The following CRIM1 variants were observed in gnomAD, a reference collection of about 807,000 sequenced individuals.
The protein encoded by CRIM1 is cysteine-rich motor neuron 1 protein.
Under a neutral mutation model 116.4 loss-of-function variants are expected in CRIM1, and 32 were observed. That is an observed-to-expected ratio of 0.27 (90% CI 0.21 to 0.37). The LOEUF (loss-of-function observed/expected upper bound fraction) is 0.37. Among genes scored for constraint, CRIM1 ranks in the 10% least tolerant of loss-of-function variants. CRIM1 has a pLI of 1.00. For synonymous variants in CRIM1, 590 were observed against 509.2 expected (o/e 1.16, Z -2.13); for missense variants, 1,331 against 1,354.8 (o/e 0.98, Z 0.28).
intron 1 of CRIM1, among the ~76,000 whole-genome samples, chr2:36,384,072 T>C (rs1670986214): frequency 6.6e-6 from 1 of 152,060 alleles, no homozygotes; most frequent in African/African-American, 2.4e-5. Context: ...AAAATAAAGC[T>C]GAGAAAGGGG....
intron 5 of CRIM1, among the ~76,000 whole-genome samples, chr2:36,472,106 G>A (rs1024313258): frequency 6.6e-6 from 1 of 152,172 alleles, no homozygotes; most frequent in Non-Finnish European, 1.5e-5. Flanking sequence ...TTTTGCAGAC[G>A]CAAAACACAT....
At chr2:36,360,933 C>G (rs533213884) in intron 1 of CRIM1, among the ~76,000 whole-genome samples, 8 of 152,158 alleles carry the variant, frequency 5.3e-5, no homozygotes, top group African/African-American at 1.9e-4. Context: ...ACAGGGAGCC[C>G]TTAGATCCCA....
intron 1 of CRIM1, among the ~76,000 whole-genome samples, chr2:36,391,594 G>T (rs1383306839): frequency 6.6e-6 from 1 of 152,096 alleles, no homozygotes; most frequent in African/African-American, 2.4e-5. Context: ...GTTAGAAGAG[G>T]TACCCAGCAT....
chr2:36,413,306 T>C (rs968689771), intron 2 of CRIM1, among the ~76,000 whole-genome samples: 6 of 152,166 alleles, frequency 3.9e-5, no homozygotes, highest in Non-Finnish European at 2.9e-5. Context: ...TAATGTTCCT[T>C]TGACCTTCAG....
intron 2 of CRIM1, among the ~76,000 whole-genome samples, chr2:36,399,079 A>G (rs945622876): frequency 7.9e-5 from 12 of 152,232 alleles, no homozygotes; most frequent in African/African-American, 2.7e-4. Context: ...CTTACATGGA[A>G]TACACTTGGG....
At chr2:36,382,605 A>G (rs1670865491) in intron 1 of CRIM1, among the ~76,000 whole-genome samples, 1 of 152,256 alleles carries the variant, frequency 6.6e-6, no homozygotes, top group Non-Finnish European at 1.5e-5. Context: ...TGGGCCTGCC[A>G]GCCCAGGTGT....
At chr2:36,368,231 T>TTGGGAGGA (rs1669722573) in intron 1 of CRIM1, among the ~76,000 whole-genome samples, 1 of 152,126 alleles carries the variant, frequency 6.6e-6, no homozygotes, top group African/African-American at 2.4e-5. Context: ...GTGCCTCACG[T>TTGGGAGGA]TGGGAGGATG....
chr2:36,416,045 T>G (rs1488488900), intron 2 of CRIM1, among the ~76,000 whole-genome samples: 1 of 152,084 alleles, frequency 6.6e-6, no homozygotes, highest in Non-Finnish European at 1.5e-5. Context: ...CTGTCTCTAC[T>G]AAAAATATAA....
At position 36,473,231 on chromosome 2, in the gene CRIM1, A is replaced by T. The variant is rs117271368; in HGVS notation, c.992-3658A>T. Among the ~76,000 whole-genome samples, 24 of 152,346 alleles carry T rather than the reference A, an allele frequency of 1.6e-4. No homozygotes were observed. The East Asian group carries it at 4.6e-3, about 29-fold the overall frequency. On this transcript the variant is annotated intron_variant, in intron 5 of 16. Coordinates refer to ENST00000280527, the MANE Select transcript of CRIM1 (RefSeq NM_016441.3). ...TTTTAGACATGCAAGGGGACATATT[A>T]AATGATTTGGGGATGGACAGAAGAG... is the stretch of plus-strand genomic sequence containing the variant.
At chr2:36,372,688 C>A (rs1670019386) in intron 1 of CRIM1, among the ~76,000 whole-genome samples, 1 of 152,174 alleles carries the variant, frequency 6.6e-6, no homozygotes, top group Admixed American at 6.5e-5. Context: ...CATGGCCCTT[C>A]AGCTTTCCCA....
intron 5 of CRIM1, among the ~76,000 whole-genome samples, chr2:36,467,762 G>A (rs1350972120): frequency 6.6e-6 from 1 of 152,152 alleles, no homozygotes; most frequent in Non-Finnish European, 1.5e-5. Flanking sequence ...GTTAAATTAG[G>A]CCCCCAGTTT....
intron 14 of CRIM1, among the ~76,000 whole-genome samples, chr2:36,539,555 T>C (rs756929654): frequency 1.4e-4 from 21 of 152,118 alleles, no homozygotes; most frequent in Admixed American, 2.6e-4. Flanking sequence ...GGGTTGAACA[T>C]AGACTGTGGG....
intron 2 of CRIM1, among the ~76,000 whole-genome samples, chr2:36,414,172 C>A (rs1046924682): frequency 6.6e-6 from 1 of 152,112 alleles, no homozygotes; most frequent in East Asian, 1.9e-4. Context: ...CTCATCTTAC[C>A]GGTGATTGTG....
intron 2 of CRIM1, among the ~76,000 whole-genome samples, chr2:36,430,271 C>G (rs1309013393): frequency 6.6e-6 from 1 of 152,142 alleles, no homozygotes; most frequent in Non-Finnish European, 1.5e-5. Context: ...AGAAGCCAAG[C>G]CCTTTAATGG....
At chr2:36,495,036 T>A (rs150854417) in intron 7 of CRIM1, among the ~76,000 whole-genome samples, 12 of 152,266 alleles carry the variant, frequency 7.9e-5, no homozygotes, top group African/African-American at 2.9e-4. Context: ...TACTAACACA[T>A]TTCTACCAAG....
chr2:36,483,467 TG>T (rs1242781578), intron 7 of CRIM1, among the ~76,000 whole-genome samples: 3 of 152,210 alleles, frequency 2.0e-5, no homozygotes, highest in African/African-American at 7.2e-5. Flanking sequence ...CCCTTCGGTA[TG>T]GGTGCTGTCA....
At chr2:36,378,628 T>G (rs529415625) in intron 1 of CRIM1, 7 of 255,696 alleles carry the variant, frequency 2.7e-5, no homozygotes, top group African/African-American at 1.5e-4. Flanking sequence ...TGTGTTCTCT[T>G]GGTGGGGACT....
chr2:36,402,457 G>A (rs1672489175), intron 2 of CRIM1, among the ~76,000 whole-genome samples: 1 of 150,316 alleles, frequency 6.7e-6, no homozygotes. Flanking sequence ...GGGAGGGAGG[G>A]GTAAGGGCCA....
intron 1 of CRIM1, chr2:36,378,785 G>A (rs912515978): frequency 7.0e-6 from 1 of 143,116 alleles, no homozygotes; most frequent in Non-Finnish European, 1.6e-5. Flanking sequence ...GCAGAAGATG[G>A]GAGTTTTTTT....
Sources: allele counts gnomAD v4.1 joint callset (sites outside exome capture counted in the v4.1 genomes callset), GRCh38; gene constraint gnomAD v4.1.1; transcripts MANE v1.5; gene names NCBI Gene and HGNC (gene_info 2026-07-23, HGNC 2026-07-21).